The following TMEM163 variants were observed in gnomAD, a reference collection of about 807,000 sequenced individuals.
The protein encoded by TMEM163 is transmembrane protein 163.
A neutral mutation model predicts 29.3 loss-of-function variants in TMEM163; 17 were observed. The ratio of observed to expected loss-of-function variants is 0.58; its 90% confidence interval spans 0.40 to 0.87. The LOEUF is 0.87. TMEM163 is among the 40% of genes least tolerant of loss of function. The pLI, the probability that TMEM163 is intolerant of heterozygous loss-of-function variation, is 0.00. For synonymous variants in TMEM163, 157 were observed against 160.6 expected (o/e 0.98, Z 0.17); for missense variants, 303 against 381.5 (o/e 0.79, Z 1.71).
intron 2 of TMEM163, among the ~76,000 whole-genome samples, chr2:134,582,780 G>T (rs1282144584): frequency 3.3e-5 from 5 of 152,180 alleles, no homozygotes; most frequent in African/African-American, 1.2e-4. Context: ...GGCAGGTGAG[G>T]AAGAGGAAGT....
At chr2:134,695,705 G>A (rs1053591334) in intron 2 of TMEM163, among the ~76,000 whole-genome samples, 1 of 152,108 alleles carries the variant, frequency 6.6e-6, no homozygotes, top group Admixed American at 6.6e-5. Context: ...TGTGCTTTCT[G>A]TGTCTTAAAT....
At chr2:134,704,285 C>T (rs1684761176) in intron 2 of TMEM163, among the ~76,000 whole-genome samples, 1 of 152,152 alleles carries the variant, frequency 6.6e-6, no homozygotes, top group African/African-American at 2.4e-5. Context: ...AATTCTCCTC[C>T]TGGACCTGGG....
chr2:134,492,456 G>A (rs1343484511), intron 5 of TMEM163, among the ~76,000 whole-genome samples: 2 of 152,144 alleles, frequency 1.3e-5, no homozygotes, highest in African/African-American at 2.4e-5. Context: ...CCAAAAGCCA[G>A]AGACTATTTC....
Position 134,520,868 on chromosome 2 carries a change from C to G in TMEM163, c.459-17871G>C, listed in dbSNP as rs138692343. Among the ~76,000 whole-genome samples, 16 of 152,336 alleles carry G rather than the reference C, an allele frequency of 1.1e-4. 2 individuals carry two copies. Among genetic ancestry groups the G allele is most frequent in the African/African-American group, 3.8e-4 (16 of 41,576 alleles). ...GCTGATCAGAGGCTTCTGTGAGGCTCATAAAGAATTCTGATTCCTGGGCTC... is the reference window on the plus strand; with the variant it reads ...GCTGATCAGAGGCTTCTGTGAGGCTGATAAAGAATTCTGATTCCTGGGCTC... On this transcript the variant is annotated intron_variant, in intron 4 of 7. Coordinates refer to ENST00000281924, the MANE Select transcript of TMEM163 (RefSeq NM_030923.5).
At chr2:134,691,049 T>C (rs1007196809) in intron 2 of TMEM163, among the ~76,000 whole-genome samples, 2 of 151,784 alleles carry the variant, frequency 1.3e-5, no homozygotes, top group Non-Finnish European at 2.9e-5. Flanking sequence ...GCGGGAATGG[T>C]AGTCAGGGGT....
At chr2:134,466,652 G>A (rs1185940484) in intron 5 of TMEM163, 2 of 163,384 alleles carry the variant, frequency 1.2e-5, no homozygotes, top group African/African-American at 2.4e-5. Flanking sequence ...TCCTTCAACA[G>A]AGCCAACTGA....
chr2:134,644,999 C>A (rs1165009365), intron 2 of TMEM163, among the ~76,000 whole-genome samples: 4 of 152,062 alleles, frequency 2.6e-5, no homozygotes, highest in Non-Finnish European at 4.4e-5. Flanking sequence ...AAATGGCAAA[C>A]AAGCACATGA....
chr2:134,505,261 T>C (rs936589452), intron 4 of TMEM163, among the ~76,000 whole-genome samples: 1 of 139,594 alleles, frequency 7.2e-6, no homozygotes, highest in Admixed American at 7.5e-5. Flanking sequence ...TTTTTTTTTT[T>C]AAAGTTTCCT....
chr2:134,601,398 G>T (rs907435534), intron 2 of TMEM163, among the ~76,000 whole-genome samples: 2 of 152,192 alleles, frequency 1.3e-5, no homozygotes, highest in Admixed American at 1.3e-4. Flanking sequence ...CATCGCCAGC[G>T]ATCCATCTGG....
chr2:134,500,487 T>C (rs1679674085), intron 5 of TMEM163, among the ~76,000 whole-genome samples: 1 of 152,212 alleles, frequency 6.6e-6, no homozygotes, highest in Non-Finnish European at 1.5e-5. Flanking sequence ...CTCTGAAGGC[T>C]TAAACAAAAC....
chr2:134,517,911 T>A (rs1408259040), intron 4 of TMEM163, among the ~76,000 whole-genome samples: 1 of 152,100 alleles, frequency 6.6e-6, no homozygotes, highest in Admixed American at 6.6e-5. Flanking sequence ...CTGCAAATTG[T>A]GGGCTTCCTT....
chr2:134,574,312 C>A (rs1681497805), intron 2 of TMEM163, among the ~76,000 whole-genome samples: 1 of 152,232 alleles, frequency 6.6e-6, no homozygotes, highest in African/African-American at 2.4e-5. Context: ...CTAATCCCAG[C>A]ACTTTGGGAG....
At chr2:134,576,638 T>C (rs992439710) in intron 2 of TMEM163, among the ~76,000 whole-genome samples, 1 of 152,098 alleles carries the variant, frequency 6.6e-6, no homozygotes, top group Non-Finnish European at 1.5e-5. Context: ...GCCTGGCCTC[T>C]CCTGAGTCTC....
chr2:134,558,202 A>G (rs1441169718), intron 2 of TMEM163, among the ~76,000 whole-genome samples: 1 of 152,144 alleles, frequency 6.6e-6, no homozygotes, highest in African/African-American at 2.4e-5. Flanking sequence ...CACCTACATC[A>G]GTGGTTTGTT....
At chr2:134,627,769 T>TA (rs1682885756) in intron 2 of TMEM163, among the ~76,000 whole-genome samples, 1 of 152,196 alleles carries the variant, frequency 6.6e-6, no homozygotes, top group Non-Finnish European at 1.5e-5. Flanking sequence ...TTTTAGTGTA[T>TA]ATGGGGAGAA....
intron 2 of TMEM163, among the ~76,000 whole-genome samples, chr2:134,610,923 G>A (rs564809847): frequency 2.0e-5 from 3 of 152,164 alleles, no homozygotes; most frequent in Non-Finnish European, 2.9e-5. Flanking sequence ...CTTCTATACC[G>A]AGACTATGAT....
At chr2:134,573,939 C>T (rs1329560209) in intron 2 of TMEM163, among the ~76,000 whole-genome samples, 1 of 152,152 alleles carries the variant, frequency 6.6e-6, no homozygotes, top group Admixed American at 6.5e-5. Context: ...CGGAGGGACC[C>T]ACAGAACACA....
chr2:134,465,189 T>TAAAAAAAAACA (rs1553471747), intron 6 of TMEM163, among the ~76,000 whole-genome samples: 25 of 117,734 alleles, frequency 2.1e-4, no homozygotes, highest in African/African-American at 9.3e-4. Flanking sequence ...TCCGCATCTT[T>TAAAAAAAAACA]AAAAAAAAAA....
chr2:134,564,153 A>G lies in TMEM163; in HGVS notation c.323-12062T>C, dbSNP rs1007967804. Among the ~76,000 whole-genome samples, 8 of 152,358 alleles carry G rather than the reference A, an allele frequency of 5.3e-5. No homozygotes were observed. In the East Asian group the frequency reaches 1.4e-3, roughly 26 times the overall value. ...AAGACAGTCACTACCAGATACGAAG[A>G]TTTCAAAGCTACAGTAAATAAAATG... On this transcript the variant is annotated intron_variant, in intron 2 of 7. Transcript: ENST00000281924.
Sources: allele counts gnomAD v4.1 joint callset (sites outside exome capture counted in the v4.1 genomes callset), GRCh38; gene constraint gnomAD v4.1.1; transcripts MANE v1.5; gene names NCBI Gene and HGNC (gene_info 2026-07-23, HGNC 2026-07-21).